Variants in FBXO25 observed in about 807,000 individuals in gnomAD.
The protein encoded by FBXO25 is F-box protein 25.
In FBXO25, 45 loss-of-function variants were observed where a neutral mutation model predicts 51.9. The observed-to-expected ratio is 0.87, with a 90% CI of 0.68 to 1.11. The LOEUF (loss-of-function observed/expected upper bound fraction) is 1.11, where lower values mean the gene tolerates loss of function less well. Ranked by LOEUF, FBXO25 falls within the 50% of genes most tolerant of loss-of-function variation. FBXO25 has a pLI of 0.00. For synonymous variants in FBXO25, 199 were observed against 151.0 expected (o/e 1.32, Z -2.33); for missense variants, 507 against 428.5 (o/e 1.18, Z -1.62).
intron 8 of FBXO25, among the ~76,000 whole-genome samples, chr8:460,216 ACC>A (rs1422527350): frequency 6.6e-6 from 1 of 152,084 alleles, no homozygotes. Flanking sequence ...ATACATCTAG[ACC>A]CTAAACATAC....
chr8:455,493 T>C (rs1021938126), intron 7 of FBXO25, among the ~76,000 whole-genome samples: 2 of 152,132 alleles, frequency 1.3e-5, no homozygotes, highest in African/African-American at 4.8e-5. Flanking sequence ...GGCAGAGCAG[T>C]TGGGAACACG....
At chr8:450,552 A>C (rs911863813) in intron 6 of FBXO25, among the ~76,000 whole-genome samples, 1 of 152,210 alleles carries the variant, frequency 6.6e-6, no homozygotes, top group Admixed American at 6.5e-5. Flanking sequence ...ATATGACTCT[A>C]TATTTAAGCC....
chr8:458,196 G>C (rs1799578480), intron 7 of FBXO25, among the ~76,000 whole-genome samples, 173 bp from the exon 8 acceptor site: 2 of 152,196 alleles, frequency 1.3e-5, no homozygotes, highest in African/African-American at 2.4e-5. Context: ...TCCTCCTCCA[G>C]CCTTCCCCAC....
At chr8:455,837 A>G (rs576133052) in intron 7 of FBXO25, among the ~76,000 whole-genome samples, 2 of 152,318 alleles carry the variant, frequency 1.3e-5, no homozygotes, top group Admixed American at 1.3e-4. Context: ...GTTCAGCAAG[A>G]CTTTTGTGCC....
chr8:449,936 T>C, intron 5 of FBXO25, 54 bp from the exon 6 acceptor site: 1 of 1,246,080 alleles, frequency 8.0e-7, no homozygotes, highest in Admixed American at 2.0e-5. Flanking sequence ...CTGTGGTTTG[T>C]AATTCCATAT....
chr8:411,574 GTAAA>G (rs1796485221), intron 1 of FBXO25, among the ~76,000 whole-genome samples: 1 of 152,140 alleles, frequency 6.6e-6, no homozygotes, highest in Non-Finnish European at 1.5e-5. Context: ...TATTCATTCA[GTAAA>G]TAAATACTTA....
At chr8:412,543 C>G (rs866874058) in intron 1 of FBXO25, among the ~76,000 whole-genome samples, 16 of 152,254 alleles carry the variant, frequency 1.1e-4, no homozygotes, top group Middle Eastern at 6.8e-3. Flanking sequence ...CACTTACCTG[C>G]TTACTTCCCT....
At chr8:441,499 A>C (rs1798423280) in intron 5 of FBXO25, among the ~76,000 whole-genome samples, 1 of 152,240 alleles carries the variant, frequency 6.6e-6, no homozygotes, top group Non-Finnish European at 1.5e-5. Context: ...ATGGCAACAA[A>C]AGCCAAAATT....
intron 9 of FBXO25, chr8:468,268 C>T: frequency 3.0e-6 from 3 of 1,013,576 alleles, no homozygotes; most frequent in Non-Finnish European, 3.5e-6. Flanking sequence ...ATGCAGGGAG[C>T]CCAAGCTGAT....
intron 5 of FBXO25, among the ~76,000 whole-genome samples, chr8:448,756 A>G (rs1010396702): frequency 6.6e-6 from 1 of 152,184 alleles, no homozygotes; most frequent in Non-Finnish European, 1.5e-5. Flanking sequence ...CTAAGATGTT[A>G]TTCACTAAAA....
At chr8:438,819 T>C (rs1798248716) in intron 5 of FBXO25, among the ~76,000 whole-genome samples, 1 of 152,228 alleles carries the variant, frequency 6.6e-6, no homozygotes, top group African/African-American at 2.4e-5. Context: ...AACTCAAGCC[T>C]ACCTGGCTGG....
At chr8:461,577 T>C (rs1293592289) in intron 8 of FBXO25, among the ~76,000 whole-genome samples, 2 of 152,198 alleles carry the variant, frequency 1.3e-5, no homozygotes, top group African/African-American at 4.8e-5. Context: ...ATGGGAATTA[T>C]GGGAACTACA....
intron 2 of FBXO25, among the ~76,000 whole-genome samples, chr8:422,758 C>T (rs1050823523): frequency 3.3e-5 from 5 of 152,174 alleles, no homozygotes; most frequent in Admixed American, 3.3e-4. Context: ...CTGGGGCCTG[C>T]GTCAGCACAG....
chr8:442,190 T>G (rs1223330695), intron 5 of FBXO25, among the ~76,000 whole-genome samples: 1 of 152,138 alleles, frequency 6.6e-6, no homozygotes, highest in Non-Finnish European at 1.5e-5. Flanking sequence ...CCCAAGCACC[T>G]GGCAAGTAGT....
intron 2 of FBXO25, among the ~76,000 whole-genome samples, chr8:428,259 G>A (rs556784107): frequency 2.6e-5 from 4 of 152,226 alleles, no homozygotes; most frequent in African/African-American, 9.6e-5. Context: ...TGCTAGCAAG[G>A]GGGTGACGTA....
chr8:454,636 A>C (rs1394133726), intron 7 of FBXO25, among the ~76,000 whole-genome samples: 1 of 152,216 alleles, frequency 6.6e-6, no homozygotes, highest in Non-Finnish European at 1.5e-5. Context: ...TCACGCCAGT[A>C]GTCCCAGCAC....
chr8:456,113 G>T (rs11993383), intron 7 of FBXO25, among the ~76,000 whole-genome samples: 6,023 of 152,298 alleles, frequency 0.04, 338 homozygotes, highest in African/African-American at 0.13. Flanking sequence ...ATTTTTCTCA[G>T]TAGGAATTAG....
intron 3 of FBXO25, 51 bp downstream of exon 3, chr8:431,495 C>A (rs753418837): frequency 2.2e-5 from 20 of 897,512 alleles, no homozygotes; most frequent in Non-Finnish European, 3.1e-5. Flanking sequence ...CGTTGAAATA[C>A]TAAATTACTC....
intron 2 of FBXO25, among the ~76,000 whole-genome samples, chr8:424,479 G>A (rs1183257634): frequency 6.6e-6 from 1 of 152,094 alleles, no homozygotes; most frequent in Admixed American, 6.6e-5. Context: ...TTATCTTCCA[G>A]GATCTTACAG....
Sources: allele counts gnomAD v4.1 joint callset (sites outside exome capture counted in the v4.1 genomes callset), GRCh38; gene constraint gnomAD v4.1.1; transcripts MANE v1.5; gene names NCBI Gene and HGNC (gene_info 2026-07-23, HGNC 2026-07-21).